CLSTN1: variants seen among roughly 807,000 people sequenced by gnomAD.
CLSTN1 encodes the protein calsyntenin 1.
In CLSTN1, 28 loss-of-function variants were observed where a neutral mutation model predicts 108.3. The ratio of observed to expected loss-of-function variants is 0.26; its 90% CI spans 0.19 to 0.35. CLSTN1 has a LOEUF of 0.35. Ranked by LOEUF, CLSTN1 falls within the 10% of genes least tolerant of loss-of-function variation. The probability of loss-of-function intolerance (pLI) is 1.00; values close to 1 mark genes in which losing one functional copy is unlikely to be tolerated. For synonymous variants in CLSTN1, 524 were observed against 534.9 expected, an observed-to-expected ratio of 0.98 and a Z score of 0.28; for missense variants, 1,157 against 1,302.6, an observed-to-expected ratio of 0.89 and a Z score of 1.72.
At chr1:9,753,095 G>C (rs1396409625) in intron 4 of CLSTN1, among the ~76,000 whole-genome samples, 6 of 152,112 alleles carry the variant, frequency 3.9e-5, no homozygotes. Context: ...CTCCACAGAT[G>C]GGGGTGGGAG....
intron 2 of CLSTN1, among the ~76,000 whole-genome samples, chr1:9,759,776 T>G (rs1651980960): frequency 6.6e-6 from 1 of 152,188 alleles, no homozygotes; most frequent in Non-Finnish European, 1.5e-5. Context: ...TGATCTCTGC[T>G]CTAGAGAGAC....
chr1:9,778,049 C>T (rs1196724266), intron 1 of CLSTN1, among the ~76,000 whole-genome samples: 3 of 152,052 alleles, frequency 2.0e-5, no homozygotes, highest in African/African-American at 7.2e-5. Context: ...CCAAAGGGCC[C>T]GCGACCTCAG....
In CLSTN1 at chr1:9,733,972, C is replaced by G; in HGVS notation, c.2281G>C (p.Gly761Arg). Residue 761 changes from glycine (G) to arginine (R), a missense_variant and splice_region_variant, in exon 15 of 19, where the codon GGC (glycine) becomes CGC (arginine). By Grantham distance (125) the Gly-to-Arg change is moderately radical. Coordinates refer to ENST00000377298, the MANE Select transcript of CLSTN1 (RefSeq NM_001009566.3). ...TGCGTGGCTGCAGCGCTCCCCTTAC[C>G]TGTGAAGGTCATGCCCAGTTCAGAG... Reference protein sequence around the residue: ...SSSELGMTFTGVDTMASYEEV... With the variant: ...SSSELGMTFTRVDTMASYEEV... The G allele has an allele frequency of 6.2e-7, 1 of 1,612,066 alleles. No individual in the cohort carries two copies. The highest frequency in any genetic ancestry group is 8.5e-7 in the Non-Finnish European group (1 of 1,178,902).
At position 9,730,070 on chromosome 1, in the gene CLSTN1, T is replaced by C. The variant is rs1650264900; in HGVS notation, c.*438A>G. The C allele has an allele frequency of 4.9e-6, 1 of 202,922 alleles. No homozygotes were observed. The highest frequency in any genetic ancestry group is 2.3e-5 in the African/African-American group (1 of 43,924). 12.6% of individuals were successfully genotyped at this position (202,922 alleles called of 1,614,324 possible). A position where few individuals can be genotyped will look rare whatever the true frequency, so the allele number is the denominator to read the frequency against. ...CCCCCATCCTGCCATTATTTATACA[T>C]GCACTAGTTTGGAAAAAATAAAAAC... On this transcript the variant is annotated 3_prime_UTR_variant, in exon 19 of 19. Transcript: ENST00000377298. This position sits in a 1 kb window ranked among gnomAD's most constrained non-coding sequence, Gnocchi z 5.6.
intron 1 of CLSTN1, among the ~76,000 whole-genome samples, chr1:9,780,230 G>C (rs887997295): frequency 1.3e-5 from 2 of 151,878 alleles, no homozygotes; most frequent in Non-Finnish European, 2.9e-5. Context: ...TTCCAATTTG[G>C]CTTCATACTT....
At chr1:9,736,186 C>T (rs61785184) in intron 11 of CLSTN1, 144 bp from the exon 12 acceptor site, 2 of 923,712 alleles carry the variant, frequency 2.2e-6, no homozygotes, top group East Asian at 2.5e-5. Flanking sequence ...GTTAGCCTTG[C>T]AATCTACATG....
chr1:9,767,605 G>A (rs1436018042), intron 2 of CLSTN1, among the ~76,000 whole-genome samples: 6 of 149,728 alleles, frequency 4.0e-5, no homozygotes, highest in African/African-American at 1.2e-4. Context: ...CGGGCCCTCA[G>A]AGCAACCTCT....
chr1:9,778,311 G>A (rs776068089), intron 1 of CLSTN1, among the ~76,000 whole-genome samples: 3 of 150,272 alleles, frequency 2.0e-5, no homozygotes, highest in African/African-American at 4.9e-5. Context: ...CTAATTCCCA[G>A]TACCTGGAAT....
chr1:9,753,274 C>T (rs1651644992), intron 4 of CLSTN1, among the ~76,000 whole-genome samples: 3 of 152,168 alleles, frequency 2.0e-5, no homozygotes, highest in Non-Finnish European at 4.4e-5. Context: ...GGCAGAAATG[C>T]TCACTCGCTC....
chr1:9,733,131 A>C (rs1310679749), intron 16 of CLSTN1, among the ~76,000 whole-genome samples: 1 of 152,178 alleles, frequency 6.6e-6, no homozygotes, highest in Non-Finnish European at 1.5e-5. Flanking sequence ...ACCTCCCTGC[A>C]AAGTTCCTTA....
At chr1:9,795,512 T>C (rs1192980446) in intron 1 of CLSTN1, among the ~76,000 whole-genome samples, 3 of 151,432 alleles carry the variant, frequency 2.0e-5, no homozygotes, top group African/African-American at 7.2e-5. Context: ...CGCTCAATCT[T>C]ATTCTGCCAC....
At chr1:9,820,842 G>A (rs1316931691) in intron 1 of CLSTN1, among the ~76,000 whole-genome samples, 1 of 152,094 alleles carries the variant, frequency 6.6e-6, no homozygotes, top group African/African-American at 2.4e-5. Context: ...TATGCAAAAA[G>A]AAAAAGTGTT....
rs200590354 is a variant in CLSTN1 at position 9,733,381 on chromosome 1, A to C, written c.2427+20T>G. The C allele has an allele frequency of 3.3e-4, 536 of 1,613,996 alleles. 4 individuals carry two copies. The Admixed American group carries it at 8.7e-3, about 26-fold the overall frequency. On this transcript the variant is annotated intron_variant, in intron 16 of 18. Transcript: ENST00000377298. The stretch of plus-strand genomic sequence containing the variant: ...CTCACTGCTGCTATTGGCCCTGCTC[A>C]GTGGGAGCCTTGTACTCACCTCCAC...
At chr1:9,797,826 G>A (rs1418063436) in intron 1 of CLSTN1, among the ~76,000 whole-genome samples, 1 of 151,974 alleles carries the variant, frequency 6.6e-6, no homozygotes, top group African/African-American at 2.4e-5. Flanking sequence ...CTGATTGGCG[G>A]TTCCTCAATC....
At chr1:9,778,268 A>G (rs535117698) in intron 1 of CLSTN1, among the ~76,000 whole-genome samples, 1 of 149,372 alleles carries the variant, frequency 6.7e-6, no homozygotes, top group South Asian at 2.2e-4. Flanking sequence ...ACACACACAC[A>G]CGCAGACTGT....
intron 2 of CLSTN1, among the ~76,000 whole-genome samples, chr1:9,767,740 G>A (rs181803561): frequency 1.6e-4 from 24 of 152,190 alleles, no homozygotes; most frequent in African/African-American, 5.8e-4. Context: ...TAAGGCTCCA[G>A]GTCTAGCCTC....
chr1:9,768,936 AGAGGGAGG>A (rs769743521), intron 2 of CLSTN1, among the ~76,000 whole-genome samples: 1 of 114,078 alleles, frequency 8.8e-6, no homozygotes, highest in African/African-American at 3.3e-5. Flanking sequence ...AGAAAGGGAA[AGAGGGAGG>A]GAGGGAGGGA....
At chr1:9,817,723 T>C (rs903685310) in intron 1 of CLSTN1, among the ~76,000 whole-genome samples, 1 of 152,166 alleles carries the variant, frequency 6.6e-6, no homozygotes, top group Non-Finnish European at 1.5e-5. Context: ...ATAAAAACTT[T>C]AGTAACAGAT....
intron 2 of CLSTN1, among the ~76,000 whole-genome samples, chr1:9,769,780 C>T (rs994872082): frequency 6.6e-6 from 1 of 152,078 alleles, no homozygotes; most frequent in East Asian, 1.9e-4. Context: ...CGGTGGCTCA[C>T]GCCTATAATC....
Sources: gnomAD v4.1 joint callset for allele counts (sites outside exome capture counted in the v4.1 genomes callset) on GRCh38, gnomAD v4.1.1 for gene constraint, Gnocchi (gnomAD v3.1) non-coding constraint, MANE v1.5 for transcripts, NCBI Gene and HGNC (gene_info 2026-07-23, HGNC 2026-07-21) for gene names.